Variants in MYH7B observed in about 807,000 individuals in gnomAD.
MYH7B encodes the protein myosin-7B.
In MYH7B, 205 loss-of-function variants were observed where a neutral mutation model predicts 234.5. That is an observed-to-expected ratio of 0.87 (90% confidence interval 0.78 to 0.98). MYH7B has a LOEUF of 0.98. Ranked by LOEUF, MYH7B falls within the 50% of genes least tolerant of loss-of-function variation. The pLI, the probability that MYH7B is intolerant of heterozygous loss-of-function variation, is 0.00. For synonymous variants in MYH7B, 1,193 were observed against 1,105.0 expected, an observed-to-expected ratio of 1.08 and a Z score of -1.58; for missense variants, 2,652 against 2,633.4, an observed-to-expected ratio of 1.01 and a Z score of -0.15.
At chr20:34,997,708 C>G (rs1197760737) in intron 32 of MYH7B, 68 bp downstream of exon 32, 11 of 1,572,758 alleles carry the variant, frequency 7.0e-6, no homozygotes, top group Non-Finnish European at 8.6e-6. Flanking sequence ...GCAGCCAATA[C>G]TGTTCCCACA....
chr20:34,990,461 T>C lies in MYH7B; in HGVS notation c.1977+151T>C, dbSNP rs759966338. The C allele has an allele frequency of 9.3e-6, 9 of 972,660 alleles. No individual in the cohort carries two copies. In the African/African-American group the frequency reaches 1.3e-4, roughly 14 times the overall value. The allele number at this position is 972,660 out of a possible 1,614,324, so 60.3% of individuals were successfully genotyped here. A position where few individuals can be genotyped will look rare whatever the true frequency, so the allele number is the denominator to read the frequency against. Reference sequence around the variant, plus strand: ...CTCCACGTGAACATCACAGCAAGTCTGTGCTGCTTCCCGTCCCTACGCTGC... The same window carrying C: ...CTCCACGTGAACATCACAGCAAGTCCGTGCTGCTTCCCGTCCCTACGCTGC... On this transcript the variant is annotated intron_variant, in intron 22 of 44. Transcript: ENST00000262873.
At chr20:34,985,075 A>C (rs1300937376) in exon 13 of MYH7B, 1 of 1,613,990 alleles carries the variant, frequency 6.2e-7, no homozygotes, top group African/African-American at 1.3e-5. Context: ...GGGCAAGTTC[A>C]TCCGCATTCA....
chr20:34,982,170 G>T (rs2081950724), intron 9 of MYH7B: 1 of 376,210 alleles, frequency 2.7e-6, no homozygotes, highest in Non-Finnish European at 4.9e-6. Context: ...AAATGGGGGT[G>T]ATAATGGAGC....
In MYH7B at chr20:34,969,560, T is replaced by C. The variant is rs868383645; in HGVS notation, c.-221-5840T>C. On this transcript the variant is annotated intron_variant, in intron 2 of 44. Coordinates refer to ENST00000262873, the Ensembl canonical transcript of MYH7B. ...TGCTCCTTTTTTTTTTTTTTTTTTT[T>C]TTGAGATGGAGTCTAGCTCTGTCGC... 8.9e-4 allele frequency among the ~76,000 whole-genome samples: 133 copies of C among 149,614 alleles called. 1 individual carries two copies. The highest frequency in any genetic ancestry group is 3.0e-3 in the South Asian group (14 of 4,658).
chr20:34,982,894 T>A (rs368241175), intron 10 of MYH7B, among the ~76,000 whole-genome samples: 11 of 152,346 alleles, frequency 7.2e-5, no homozygotes, highest in African/African-American at 2.6e-4. Context: ...AGCGTTGTTG[T>A]CTTGGTTTCC....
In MYH7B at chr20:34,997,468, A is replaced by G. The variant is rs775676460; in HGVS notation, c.3575A>G (p.His1192Arg). The G allele has an allele frequency of 4.6e-6, 7 of 1,513,104 alleles. No individual in the cohort carries two copies. In the East Asian group the frequency reaches 1.6e-4, roughly 34 times the overall value. The allele number at this position is 1,513,104 out of a possible 1,614,324, so 93.7% of individuals were successfully genotyped here. Residue 1192 changes from histidine to arginine, a missense_variant, in exon 32 of 45, where the codon CAC (histidine) becomes CGC (arginine). Transcript: ENST00000262873. ...GAGCTGGAGGAGGCGGCGCTGCGGC[A>G]CGAGGCCACAGTGGCGGCACTGCGG...
intron 2 of MYH7B, among the ~76,000 whole-genome samples, chr20:34,968,180 C>G (rs2081760372): frequency 6.6e-6 from 1 of 152,254 alleles, no homozygotes; most frequent in African/African-American, 2.4e-5. Flanking sequence ...CCCAGGGTCA[C>G]TCAGCTTGTA....
chr20:34,991,071 C>A (rs747322633), exon 24 of MYH7B: 1 of 1,613,918 alleles, frequency 6.2e-7, no homozygotes, highest in Admixed American at 1.7e-5. Context: ...GGATCCGGAT[C>A]TGCCGCCAAG....
At chr20:34,984,900 C>A (rs746881353) in exon 12 of MYH7B, 1 of 1,614,074 alleles carries the variant, frequency 6.2e-7, no homozygotes, top group Non-Finnish European at 8.5e-7. Context: ...GCCATGGAGG[C>A]CTTTGGCAAC....
At chr20:34,958,781 C>T (rs545425145) in intron 2 of MYH7B, among the ~76,000 whole-genome samples, 1 of 152,254 alleles carries the variant, frequency 6.6e-6, no homozygotes, top group South Asian at 2.1e-4. Context: ...TTCTTCATAG[C>T]AGTTATTCAT....
intron 25 of MYH7B, 35 bp downstream of exon 25, chr20:34,993,260 T>C: frequency 1.2e-6 from 2 of 1,613,968 alleles, no homozygotes; most frequent in Non-Finnish European, 1.7e-6. Flanking sequence ...TGGCCATGGC[T>C]GTGGCGGTCA....
rs753493222 is a variant in MYH7B at position 35,000,353 on chromosome 20, C to G, written c.4842C>G (p.Ala1614=). ...CCTCCCTGGATGCAGAGACACGGGCCCGCAATGAGGCGCTGCGGCTCAAGA... is the reference window on the plus strand; with the variant it reads ...CCTCCCTGGATGCAGAGACACGGGCGCGCAATGAGGCGCTGCGGCTCAAGA... The change falls in exon 39 of 45, where the codon GCC becomes GCG. Residue 1614 remains alanine, a synonymous_variant. Transcript: ENST00000262873. The G allele has an allele frequency of 3.8e-6, 6 of 1,598,196 alleles. No individual in the cohort carries two copies. The Admixed American group carries it at 5.0e-5, about 13-fold the overall frequency.
intron 2 of MYH7B, among the ~76,000 whole-genome samples, chr20:34,965,470 G>A (rs2081733728): frequency 6.6e-6 from 1 of 152,244 alleles, no homozygotes. Context: ...CCTCACGCCA[G>A]GGGACATGGC....
intron 2 of MYH7B, among the ~76,000 whole-genome samples, chr20:34,974,826 G>A (rs1039127167): frequency 4.6e-5 from 7 of 152,218 alleles, no homozygotes; most frequent in Admixed American, 2.6e-4. Context: ...GGTATTTATT[G>A]ACTTTCTATG....
intron 2 of MYH7B, among the ~76,000 whole-genome samples, chr20:34,974,391 A>G (rs572736348): frequency 1.4e-4 from 22 of 152,006 alleles, no homozygotes; most frequent in African/African-American, 5.3e-4. Flanking sequence ...AAGTCCTTGC[A>G]GGTTATAGTA....
In MYH7B at chr20:34,979,808, AGCCCCAG is replaced by A; in HGVS notation, c.342+9_342+15del. The A allele has an allele frequency of 6.2e-7, 1 of 1,610,876 alleles. No homozygotes were observed. Among genetic ancestry groups the A allele is most frequent in the Non-Finnish European group, 8.5e-7 (1 of 1,179,132 alleles). ...CTATGCCCGCTGGATGATCTATGTG[AGCCCCAG>A]GCCCGGGCCATGGGCGGGGTGGGGC... On this transcript the variant is annotated splice_donor_5th_base_variant and intron_variant, in intron 7 of 44. Coordinates refer to ENST00000262873, the Ensembl canonical transcript of MYH7B.
intron 19 of MYH7B, among the ~76,000 whole-genome samples, chr20:34,988,695 G>A (rs777755366): frequency 2.0e-5 from 3 of 151,836 alleles, no homozygotes; most frequent in Non-Finnish European, 2.9e-5. Context: ...ATTGTACAAA[G>A]AATGGAAGAA....
chr20:34,986,816 C>T (rs956830992), intron 14 of MYH7B, 70 bp from the exon 15 acceptor site: 6 of 1,324,160 alleles, frequency 4.5e-6, no homozygotes, highest in African/African-American at 2.9e-5. Flanking sequence ...ACCCCCTATG[C>T]TGCAATTGTT....
chr20:34,997,416 G>A, exon 32 of MYH7B: 1 of 1,475,066 alleles, frequency 6.8e-7, no homozygotes, highest in Non-Finnish European at 8.9e-7. Context: ...CCGCAAGCGG[G>A]AGGCGGAGCT....
Sources: gnomAD v4.1 joint callset for allele counts (sites outside exome capture counted in the v4.1 genomes callset) on GRCh38, gnomAD v4.1.1 for gene constraint, MANE v1.5 for transcripts, NCBI Gene and HGNC (gene_info 2026-07-23, HGNC 2026-07-21) for gene names.